The following ARIH1 variants were observed in gnomAD, a reference collection of about 807,000 sequenced individuals.
The protein encoded by ARIH1 is E3 ubiquitin-protein ligase ARIH1.
ARIH1 carries 8 observed loss-of-function variants against 85.0 expected under a neutral mutation model. The observed-to-expected ratio is 0.09, with a 90% confidence interval of 0.06 to 0.17. ARIH1 has a LOEUF of 0.17. ARIH1 is among the 10% of genes least tolerant of loss of function. The probability of loss-of-function intolerance (pLI) is 1.00; values close to 1 mark genes in which losing one functional copy is unlikely to be tolerated. For missense variants in ARIH1, 311 were observed against 718.1 expected, an observed-to-expected ratio of 0.43 and a Z score of 6.48; for synonymous variants, 238 against 253.6, an observed-to-expected ratio of 0.94 and a Z score of 0.59.
chr15:72,541,050 A>C (rs936920125), intron 2 of ARIH1, among the ~76,000 whole-genome samples: 1 of 152,160 alleles, frequency 6.6e-6, no homozygotes, highest in African/African-American at 2.4e-5. Context: ...CAACGCTAGT[A>C]TGGAGGCTGC....
At chr15:72,489,856 T>G (rs1308468962) in intron 1 of ARIH1, among the ~76,000 whole-genome samples, 1 of 152,218 alleles carries the variant, frequency 6.6e-6, no homozygotes, top group Non-Finnish European at 1.5e-5. Context: ...GGCACCTCTG[T>G]GGGTTACGGA....
chr15:72,532,165 A>AT (rs34515098), intron 2 of ARIH1, among the ~76,000 whole-genome samples: 2,542 of 144,598 alleles, frequency 0.018, 56 homozygotes, highest in Admixed American at 0.059. Context: ...AAGCCGTAAG[A>AT]TTTTTTTTTT....
At chr15:72,563,252 T>A (rs1377004822) in intron 6 of ARIH1, 142 bp from the exon 7 acceptor site, 1 of 629,638 alleles carries the variant, frequency 1.6e-6, no homozygotes, top group African/African-American at 1.9e-5. Flanking sequence ...AGAGACAAGG[T>A]CTTGCTATGT....
intron 1 of ARIH1, among the ~76,000 whole-genome samples, chr15:72,477,311 A>G (rs1176298737): frequency 6.6e-6 from 1 of 152,018 alleles, no homozygotes; most frequent in Non-Finnish European, 1.5e-5. Flanking sequence ...ACTTCTTTCT[A>G]TTAATAGAGG....
rs186039928 is a variant in ARIH1 at position 72,526,438 on chromosome 15, A to G, written c.443+8304A>G. On this transcript the variant is annotated intron_variant, in intron 2 of 13. Transcript: ENST00000379887. ...TGAATGTGATTTTTTCTTTTTAAAA[A>G]TATATTTTGAGGCAGGTACAGTGGT... Among the ~76,000 whole-genome samples, 217 of 152,266 alleles carry G rather than the reference A, an allele frequency of 1.4e-3. 1 individual carries two copies. The highest frequency in any genetic ancestry group is 2.6e-3 in the Non-Finnish European group (180 of 68,034).
intron 1 of ARIH1, among the ~76,000 whole-genome samples, chr15:72,482,753 G>T (rs1352369922): frequency 6.6e-6 from 1 of 151,822 alleles, no homozygotes; most frequent in Non-Finnish European, 1.5e-5. Context: ...CACAATTCTG[G>T]ATGCAGCTTA....
intron 9 of ARIH1, 135 bp downstream of exon 9, chr15:72,567,312 TC>T: frequency 1.6e-6 from 1 of 640,726 alleles, no homozygotes; most frequent in Non-Finnish European, 2.6e-6. Flanking sequence ...TTTTTTTTTT[TC>T]CCAGAATGTT....
chr15:72,550,932 A>G (rs950891262), intron 3 of ARIH1, among the ~76,000 whole-genome samples: 3 of 152,140 alleles, frequency 2.0e-5, no homozygotes, highest in Non-Finnish European at 4.4e-5. Flanking sequence ...TCAGCCTCCC[A>G]AAGTGCTCGG....
chr15:72,492,788 AC>A (rs1311524685), intron 1 of ARIH1, among the ~76,000 whole-genome samples: 1 of 152,168 alleles, frequency 6.6e-6, no homozygotes, highest in Non-Finnish European at 1.5e-5. Flanking sequence ...GTTGCATTCC[AC>A]CCAGCTATAA....
At chr15:72,499,403 A>G (rs1344622281) in intron 1 of ARIH1, among the ~76,000 whole-genome samples, 1 of 151,770 alleles carries the variant, frequency 6.6e-6, no homozygotes, top group Non-Finnish European at 1.5e-5. Context: ...TAGCTTTAAT[A>G]TGTCTCTTCC....
intron 1 of ARIH1, among the ~76,000 whole-genome samples, chr15:72,506,250 T>C (rs1416517410): frequency 6.8e-6 from 1 of 148,116 alleles, no homozygotes; most frequent in Admixed American, 7.1e-5. Context: ...CTCAGGAGGC[T>C]GAGGCAGGGG....
chr15:72,485,586 G>T (rs918707535), intron 1 of ARIH1, among the ~76,000 whole-genome samples: 2 of 151,462 alleles, frequency 1.3e-5, no homozygotes, highest in African/African-American at 4.9e-5. Flanking sequence ...ATTGTTCTTA[G>T]TACCTGTAGC....
chr15:72,571,541 C>T (rs1346284024), intron 10 of ARIH1, among the ~76,000 whole-genome samples: 1 of 152,110 alleles, frequency 6.6e-6, no homozygotes, highest in Non-Finnish European at 1.5e-5. Context: ...TCCCACCATT[C>T]TGTATATCAT....
At chr15:72,514,439 C>G (rs568903226) in intron 1 of ARIH1, among the ~76,000 whole-genome samples, 1 of 152,090 alleles carries the variant, frequency 6.6e-6, no homozygotes, top group Non-Finnish European at 1.5e-5. Context: ...GAATTTCAGA[C>G]CGGGCTCTGT....
intron 1 of ARIH1, among the ~76,000 whole-genome samples, chr15:72,495,839 G>A (rs909895867): frequency 2.0e-5 from 3 of 151,998 alleles, no homozygotes; most frequent in African/African-American, 4.8e-5. Flanking sequence ...GCTTTTAGAA[G>A]CTTATTGAGG....
intron 1 of ARIH1, chr15:72,475,240 C>T (rs1409432956): frequency 9.8e-6 from 10 of 1,016,126 alleles, no homozygotes; most frequent in Non-Finnish European, 1.3e-5. Flanking sequence ...TTCCCAAGTC[C>T]TGCTATGGCG....
chr15:72,536,439 T>G (rs2064082291), intron 2 of ARIH1, among the ~76,000 whole-genome samples: 1 of 152,192 alleles, frequency 6.6e-6, no homozygotes. Flanking sequence ...TAGTTTTACA[T>G]CTACCTTTAA....
At chr15:72,533,346 T>G (rs899782277) in intron 2 of ARIH1, among the ~76,000 whole-genome samples, 6 of 152,222 alleles carry the variant, frequency 3.9e-5, no homozygotes, top group Non-Finnish European at 7.3e-5. Flanking sequence ...GCCAGGCTGG[T>G]CTTGAACTCC....
intron 2 of ARIH1, among the ~76,000 whole-genome samples, chr15:72,533,128 T>G (rs755430729): frequency 1.7e-4 from 26 of 152,112 alleles, no homozygotes; most frequent in African/African-American, 5.3e-4. Context: ...CCTGTGTTTT[T>G]GGGGGTTTTC....
Sources: allele counts gnomAD v4.1 joint callset (sites outside exome capture counted in the v4.1 genomes callset), GRCh38; gene constraint gnomAD v4.1.1; transcripts MANE v1.5; gene names NCBI Gene and HGNC (gene_info 2026-07-23, HGNC 2026-07-21).